Variants in PDGFD observed in about 807,000 individuals in gnomAD.
PDGFD encodes platelet derived growth factor D.
A neutral mutation model predicts 44.7 loss-of-function variants in PDGFD; 30 were observed. That is an observed-to-expected ratio of 0.67 (90% CI 0.50 to 0.91). PDGFD has a LOEUF of 0.91. Ranked by LOEUF, PDGFD falls within the 40% of genes least tolerant of loss-of-function variation. The pLI, the probability that PDGFD is intolerant of heterozygous loss-of-function variation, is 0.00. For synonymous variants in PDGFD, 173 were observed against 168.4 expected (o/e 1.03, Z -0.21); for missense variants, 445 against 457.8 (o/e 0.97, Z 0.25).
At chr11:103,990,574 G>T (rs1427756251) in intron 3 of PDGFD, among the ~76,000 whole-genome samples, 1 of 152,192 alleles carries the variant, frequency 6.6e-6, no homozygotes, top group Non-Finnish European at 1.5e-5. Flanking sequence ...CCTCACTGCT[G>T]TATCTCCAGG....
chr11:104,117,514 GATAAA>G (rs1484683877), intron 1 of PDGFD, among the ~76,000 whole-genome samples: 1 of 151,864 alleles, frequency 6.6e-6, no homozygotes, highest in Non-Finnish European at 1.5e-5. Flanking sequence ...TCCTAGAACT[GATAAA>G]ATAATTCAGC....
At chr11:104,111,730 A>G (rs1007837593) in intron 1 of PDGFD, among the ~76,000 whole-genome samples, 2 of 152,210 alleles carry the variant, frequency 1.3e-5, no homozygotes, top group Non-Finnish European at 2.9e-5. Context: ...CATACTTTAG[A>G]TAAATTATCC....
intron 3 of PDGFD, among the ~76,000 whole-genome samples, chr11:103,968,569 G>A (rs1859054108): frequency 6.6e-6 from 1 of 151,934 alleles, no homozygotes; most frequent in Admixed American, 6.6e-5. Flanking sequence ...AATCCTTCAG[G>A]TTATAATTTC....
chr11:104,038,160 C>T (rs1591133907), intron 1 of PDGFD: 7 of 775,768 alleles, frequency 9.0e-6, no homozygotes, highest in African/African-American at 1.7e-5. Flanking sequence ...GGGTAACTAA[C>T]GTCAATCCTG....
At chr11:104,041,881 G>A (rs1293076899) in intron 1 of PDGFD, among the ~76,000 whole-genome samples, 1 of 152,200 alleles carries the variant, frequency 6.6e-6, no homozygotes, top group African/African-American at 2.4e-5. Context: ...GGTATTAACT[G>A]TTGTAATTTT....
chr11:103,999,308 C>T (rs1413089234), intron 2 of PDGFD, among the ~76,000 whole-genome samples: 1 of 147,112 alleles, frequency 6.8e-6, no homozygotes, highest in East Asian at 2.0e-4. Context: ...CAGTAAAGTA[C>T]AAAAAAGAAA....
At chr11:104,071,676 A>C (rs577721806) in intron 1 of PDGFD, among the ~76,000 whole-genome samples, 292 of 151,914 alleles carry the variant, frequency 1.9e-3, no homozygotes, top group African/African-American at 6.9e-3. Context: ...TTAGGCAATA[A>C]AATTTTTCAG....
At chr11:104,141,402 T>A (rs71484342) in intron 1 of PDGFD, among the ~76,000 whole-genome samples, 34,575 of 124,542 alleles carry the variant, frequency 0.28, 4,170 homozygotes, top group East Asian at 0.37. Context: ...TAATTTAATT[T>A]TTTTTTTTTT....
At chr11:103,948,309 A>C (rs1331851649) in intron 3 of PDGFD, among the ~76,000 whole-genome samples, 2 of 152,212 alleles carry the variant, frequency 1.3e-5, no homozygotes, top group Non-Finnish European at 2.9e-5. Flanking sequence ...TGGCAGGGGA[A>C]GAAAATGACT....
intron 1 of PDGFD, among the ~76,000 whole-genome samples, chr11:104,078,461 T>G (rs1860999480): frequency 8.0e-6 from 1 of 124,876 alleles, no homozygotes; most frequent in South Asian, 2.6e-4. Flanking sequence ...TACTTCCTCT[T>G]TCTTACTGAC....
intron 1 of PDGFD, among the ~76,000 whole-genome samples, chr11:104,012,243 T>C (rs1859796036): frequency 6.6e-6 from 1 of 152,192 alleles, no homozygotes; most frequent in African/African-American, 2.4e-5. Flanking sequence ...AAAAGTGCAC[T>C]GTTGATCAAA....
intron 6 of PDGFD, among the ~76,000 whole-genome samples, chr11:103,913,346 C>G (rs1858061668): frequency 6.6e-6 from 1 of 152,202 alleles, no homozygotes; most frequent in African/African-American, 2.4e-5. Context: ...AATTAAGAAA[C>G]TCACTCAAAA....
At chr11:104,085,070 C>T (rs2134432448) in intron 1 of PDGFD, among the ~76,000 whole-genome samples, 1 of 151,336 alleles carries the variant, frequency 6.6e-6, no homozygotes, top group South Asian at 2.1e-4. Context: ...TACAATACAA[C>T]TTAGATACAG....
chr11:104,115,628 G>A (rs1247801302), intron 1 of PDGFD, among the ~76,000 whole-genome samples: 2 of 152,026 alleles, frequency 1.3e-5, no homozygotes, highest in Non-Finnish European at 2.9e-5. Context: ...TTTCCACAGT[G>A]GTTGTAGTGG....
chr11:104,012,107 G>T (rs1859794202), intron 1 of PDGFD, among the ~76,000 whole-genome samples: 1 of 152,090 alleles, frequency 6.6e-6, no homozygotes, highest in Non-Finnish European at 1.5e-5. Flanking sequence ...AAAGTTGGAG[G>T]CTTTCAAGAG....
chr11:104,127,944 C>T (rs374325303), intron 1 of PDGFD, among the ~76,000 whole-genome samples: 2 of 152,120 alleles, frequency 1.3e-5, no homozygotes, highest in South Asian at 4.1e-4. Context: ...TGCCTCTCTC[C>T]ATTCCTGTTA....
chr11:103,986,629 G>T (rs579892), intron 3 of PDGFD, among the ~76,000 whole-genome samples: 107,466 of 152,124 alleles, frequency 0.71, 38,254 homozygotes, highest in East Asian at 0.87. Context: ...AAGCTGTCCT[G>T]ATTCATTCCT....
At chr11:104,067,899 G>A (rs1860815166) in intron 1 of PDGFD, among the ~76,000 whole-genome samples, 1 of 151,962 alleles carries the variant, frequency 6.6e-6, no homozygotes, top group East Asian at 1.9e-4. Context: ...AAACACTTTT[G>A]CTTTATTTCT....
chr11:104,125,038 A>G (rs1167548411), intron 1 of PDGFD, among the ~76,000 whole-genome samples: 3 of 152,158 alleles, frequency 2.0e-5, no homozygotes, highest in Non-Finnish European at 4.4e-5. Context: ...TGTGTTGACT[A>G]AAGAATTTCA....
Sources: allele counts gnomAD v4.1 joint callset (sites outside exome capture counted in the v4.1 genomes callset), GRCh38; gene constraint gnomAD v4.1.1; transcripts MANE v1.5; gene names NCBI Gene and HGNC (gene_info 2026-07-23, HGNC 2026-07-21).